Variants in PLAG1 observed in about 807,000 individuals in gnomAD.
The protein encoded by PLAG1 is PLAG1 zinc finger.
PLAG1 carries 7 observed loss-of-function variants against 35.5 expected under a neutral mutation model. The observed-to-expected ratio is 0.20, with a 90% CI of 0.11 to 0.37. PLAG1 has a LOEUF of 0.37. Ranked by LOEUF, PLAG1 falls within the 10% of genes least tolerant of loss-of-function variation. PLAG1 has a pLI of 1.00. For missense variants in PLAG1, 454 were observed against 602.8 expected, an observed-to-expected ratio of 0.75 and a Z score of 2.58; for synonymous variants, 229 against 225.4, an observed-to-expected ratio of 1.02 and a Z score of -0.14.
chr8:56,189,175 G>T (rs1181149674), intron 1 of PLAG1, among the ~76,000 whole-genome samples: 1 of 152,190 alleles, frequency 6.6e-6, no homozygotes, highest in Non-Finnish European at 1.5e-5. Flanking sequence ...CATGCTGTTG[G>T]CCAAATGAAC....
intron 3 of PLAG1, among the ~76,000 whole-genome samples, chr8:56,169,257 G>A (rs775781984): frequency 1.3e-5 from 2 of 152,114 alleles, no homozygotes; most frequent in African/African-American, 2.4e-5. Flanking sequence ...AGACCTGTGT[G>A]GACTTCTGAC....
chr8:56,209,427 G>A (rs77124249), intron 1 of PLAG1: 1 of 152,322 alleles, frequency 6.6e-6, no homozygotes, highest in South Asian at 2.1e-4. Context: ...GAAAGGGAAG[G>A]CTCTTCCATC....
rs1812652222 is a variant in PLAG1 at position 56,204,797 on chromosome 8, G to C, written c.-322+6324C>G. ...TTTAATGAGTGAAAGGCTAAAAGGGGGCTCTCATTCTCAAAAAAGAAGAGT... is the reference window on the plus strand; with the variant it reads ...TTTAATGAGTGAAAGGCTAAAAGGGCGCTCTCATTCTCAAAAAAGAAGAGT... On this transcript the variant is annotated intron_variant, in intron 1 of 4. Coordinates refer to ENST00000316981, the MANE Select transcript of PLAG1 (RefSeq NM_002655.3). Among the ~76,000 whole-genome samples, 6 of 151,766 alleles carry C rather than the reference G, an allele frequency of 4.0e-5. No homozygotes were observed. In the South Asian group the frequency reaches 1.0e-3, roughly 26 times the overall value.
intron 1 of PLAG1, among the ~76,000 whole-genome samples, chr8:56,209,099 T>C (rs13278331): frequency 3.9e-5 from 6 of 152,224 alleles, no homozygotes; most frequent in Non-Finnish European, 8.8e-5. Flanking sequence ...AATATTAAGG[T>C]ATTTTACAGT....
At chr8:56,201,419 A>G (rs921406563) in intron 1 of PLAG1, among the ~76,000 whole-genome samples, 2 of 152,246 alleles carry the variant, frequency 1.3e-5, no homozygotes, top group African/African-American at 2.4e-5. Context: ...TTATACTTAT[A>G]TCTTTAGAAA....
rs964270314 is a variant in PLAG1, at chr8:56,197,684, G to T, written c.-322+13437C>A. The stretch of plus-strand genomic sequence containing the variant: ...CGTGTTTCTCTGTCTGGGATTGTGG[G>T]TCTCCCCTGCTCTGGGTATTCTGGG... On this transcript the variant is annotated intron_variant, in intron 1 of 4. Coordinates refer to ENST00000316981, the MANE Select transcript of PLAG1 (RefSeq NM_002655.3). Among the ~76,000 whole-genome samples, 3 of 152,298 alleles carry T rather than the reference G, an allele frequency of 2.0e-5. No individual in the cohort carries two copies. The South Asian group carries it at 6.2e-4, about 32-fold the overall frequency.
At chr8:56,200,766 GC>G (rs1812525459) in intron 1 of PLAG1, among the ~76,000 whole-genome samples, 3 of 151,978 alleles carry the variant, frequency 2.0e-5, no homozygotes, top group African/African-American at 4.8e-5. Flanking sequence ...CCTAACTCAT[GC>G]CTTTTTCAAA....
chr8:56,198,652 C>A (rs1397233324), intron 1 of PLAG1, among the ~76,000 whole-genome samples: 1 of 152,238 alleles, frequency 6.6e-6, no homozygotes, highest in Admixed American at 6.5e-5. Flanking sequence ...GGGCCTCTGT[C>A]TGGAGCGTCC....
chr8:56,166,758 G>T lies in PLAG1; in HGVS notation c.988C>A (p.Leu330Ile). The change falls in exon 5 of 5, where the codon CTT (leucine) becomes ATT (isoleucine). Residue 330 changes from leucine to isoleucine, a missense_variant. Leu to Ile is a conservative substitution (Grantham distance 5, BLOSUM62 2). Transcript: ENST00000316981. The stretch of plus-strand genomic sequence containing the variant: ...GAACTGAACGGATATTTGAAAGAAA[G>T]GTGGTGAGAGGGATGAACAGTGTCC... ...DMDTVHPSHH[L>I]SFKYPFSSTS... The T allele has an allele frequency of 1.3e-5, 21 of 1,614,112 alleles. No individual in the cohort carries two copies. The highest frequency in any genetic ancestry group is 1.8e-5 in the Non-Finnish European group (21 of 1,179,994).
rs1811368425 is a variant in PLAG1, at chr8:56,166,777, A to G, written c.969T>C (p.Thr323=). The stretch of plus-strand genomic sequence containing the variant: ...AAGAAAGGTGGTGAGAGGGATGAAC[A>G]GTGTCCATATCTATTGGGCATGTCA... ...LGMTCPIDMD[T]VHPSHHLSFK... Residue 323 remains threonine, a synonymous_variant, in exon 5 of 5, where the codon ACT becomes ACC. Coordinates refer to ENST00000316981, the MANE Select transcript of PLAG1 (RefSeq NM_002655.3). The G allele has an allele frequency of 6.2e-7, 1 of 1,614,112 alleles. No individual in the cohort carries two copies. The highest frequency in any genetic ancestry group is 8.5e-7 in the Non-Finnish European group (1 of 1,179,966).
intron 2 of PLAG1, among the ~76,000 whole-genome samples, chr8:56,176,810 A>C (rs1291489716): frequency 6.6e-6 from 1 of 152,178 alleles, no homozygotes; most frequent in Admixed American, 6.5e-5. Context: ...GTAACTGATT[A>C]AGTTTCTGGG....
chr8:56,199,731 C>G (rs868425652), intron 1 of PLAG1, among the ~76,000 whole-genome samples: 1 of 152,176 alleles, frequency 6.6e-6, no homozygotes, highest in East Asian at 1.9e-4. Context: ...CTCCACCACC[C>G]CCCCCGATCC....
intron 2 of PLAG1, among the ~76,000 whole-genome samples, chr8:56,173,250 C>G (rs1441925693): frequency 2.0e-5 from 3 of 152,006 alleles, no homozygotes; most frequent in Non-Finnish European, 2.9e-5. Context: ...TCTAAAATAA[C>G]ACAGCCAATC....
At chr8:56,198,064 C>T (rs765747207) in intron 1 of PLAG1, among the ~76,000 whole-genome samples, 10 of 152,198 alleles carry the variant, frequency 6.6e-5, no homozygotes, top group Non-Finnish European at 1.2e-4. Flanking sequence ...ATGGATGGCC[C>T]GCATCACACA....
At chr8:56,175,881 A>G (rs1402749769) in intron 2 of PLAG1, among the ~76,000 whole-genome samples, 1 of 152,192 alleles carries the variant, frequency 6.6e-6, no homozygotes. Flanking sequence ...CTCATTTTCT[A>G]GAGTAGCCAG....
At chr8:56,206,537 C>G (rs886837139) in intron 1 of PLAG1, among the ~76,000 whole-genome samples, 4 of 151,880 alleles carry the variant, frequency 2.6e-5, no homozygotes, top group Non-Finnish European at 5.9e-5. Context: ...TTAGTTACCT[C>G]CAAAGTAGTC....
chr8:56,188,183 C>T (rs1812079185), intron 1 of PLAG1, among the ~76,000 whole-genome samples: 1 of 152,190 alleles, frequency 6.6e-6, no homozygotes, highest in Admixed American at 6.5e-5. Flanking sequence ...TCAAATTAAA[C>T]CCCTTCTCTC....
intron 1 of PLAG1, among the ~76,000 whole-genome samples, chr8:56,204,019 T>C (rs534962667): frequency 6.6e-6 from 1 of 152,108 alleles, no homozygotes; most frequent in African/African-American, 2.4e-5. Context: ...AGGCTTATAA[T>C]AGGTTATAAG....
chr8:56,186,993 G>A (rs1347798427), intron 1 of PLAG1, among the ~76,000 whole-genome samples: 1 of 152,206 alleles, frequency 6.6e-6, no homozygotes, highest in Non-Finnish European at 1.5e-5. Flanking sequence ...TGGGATTACA[G>A]GCATAAGCCA....
Sources: allele counts gnomAD v4.1 joint callset (sites outside exome capture counted in the v4.1 genomes callset), GRCh38; gene constraint gnomAD v4.1.1; transcripts MANE v1.5; gene names NCBI Gene and HGNC (gene_info 2026-07-23, HGNC 2026-07-21).